The following C5 variants were observed in gnomAD, a reference collection of about 807,000 sequenced individuals.
C5 encodes the protein complement C5.
C5 carries 140 observed loss-of-function variants against 218.8 expected under a neutral mutation model. The observed-to-expected ratio is 0.64, with a 90% CI of 0.56 to 0.74. C5 has a LOEUF of 0.74. C5 is among the 30% of genes least tolerant of loss of function. C5 has a pLI of 0.00. For synonymous variants in C5, 614 were observed against 682.3 expected, an observed-to-expected ratio of 0.90 and a Z score of 1.56; for missense variants, 1,700 against 1,969.6, an observed-to-expected ratio of 0.86 and a Z score of 2.59.
At chr9:121,055,336 G>A in the C5 span, among the ~76,000 whole-genome samples, 8 of 151,910 alleles carry the variant, frequency 5.3e-5, no homozygotes, top group East Asian at 1.9e-4. Context: ...GCAAGTCCTT[G>A]GGCAAGGTCT....
rs1373721370 is a variant in C5 at position 121,045,464 on chromosome 9, CA to C, written c.258+726del. 7.2e-5 allele frequency among the ~76,000 whole-genome samples: 11 copies of C among 152,104 alleles called. No homozygotes were observed. In the East Asian group the frequency reaches 2.1e-3, roughly 29 times the overall value. ...AAATAAATTCAAAATGTTACAAAAT[CA>C]ATATAATTCGAATTTTAAGCTCTTT... is the stretch of plus-strand genomic sequence containing the variant. On this transcript the variant is annotated intron_variant, in intron 2 of 40. Transcript: ENST00000223642.
chr9:121,034,788 A>G lies in C5; in HGVS notation c.584+15T>C, dbSNP rs762638879. On this transcript the variant is annotated intron_variant, in intron 5 of 40. Coordinates refer to ENST00000223642, the MANE Select transcript of C5 (RefSeq NM_001735.3). ...AGTTCCGTATGTGGTTTTATTAACA[A>G]CTATTTTTACATACCTAGGATTAGA... 5 of 1,413,358 alleles carry G rather than the reference A, an allele frequency of 3.5e-6. No homozygotes were observed. In the South Asian group the frequency reaches 5.8e-5, roughly 16 times the overall value. 87.6% of individuals were successfully genotyped at this position (1,413,358 alleles called of 1,614,324 possible). A position where few individuals can be genotyped will look rare whatever the true frequency, so the allele number is the denominator to read the frequency against.
chr9:120,992,738 A>G (rs565111121), intron 22 of C5, among the ~76,000 whole-genome samples: 1 of 152,374 alleles, frequency 6.6e-6, no homozygotes, highest in South Asian at 2.1e-4. Context: ...AGATTAAAAC[A>G]TTTTAAATTC....
rs1038198234 is a variant in C5, at chr9:120,989,680, G to A, written c.3042C>T (p.Ser1014=). The A allele has an allele frequency of 3.7e-6, 6 of 1,613,188 alleles. No individual in the cohort carries two copies. Among genetic ancestry groups the A allele is most frequent in the Non-Finnish European group, 3.4e-6 (4 of 1,179,500 alleles). The change falls in exon 24 of 41, where the codon AGC becomes AGT. Residue 1014 remains serine, a synonymous_variant. Transcript: ENST00000223642. ...GAAAAACATAGAATACTGGGACAAC[G>A]CTCATCAGCTCCGCCTCTGCACTCC... ...PKGSAEAELM[S]VVPVFYVFHY...
chr9:120,982,018 G>A (rs749076337), intron 26 of C5, 79 bp from the exon 27 acceptor site: 59 of 955,138 alleles, frequency 6.2e-5, no homozygotes, highest in Admixed American at 1.7e-4. Flanking sequence ...TCTGTTTTTT[G>A]TTTGTTTGTT....
intron 14 of C5, among the ~76,000 whole-genome samples, chr9:121,017,030 T>C (rs1371198580): frequency 6.6e-6 from 1 of 152,222 alleles, no homozygotes; most frequent in African/African-American, 2.4e-5. Context: ...ATGTTACCTA[T>C]ACAGGTCTTT....
chr9:121,015,207 T>C lies in C5; in HGVS notation c.2051A>G (p.Glu684Gly), dbSNP rs2131756326. 6.2e-7 allele frequency: 1 copy of C among 1,603,466 alleles called. No individual in the cohort carries two copies. The highest frequency in any genetic ancestry group is 8.5e-7 in the Non-Finnish European group (1 of 1,171,476). ...RPRRTLQKKIEEIAAKYKHSV... is the reference protein window; with the variant it reads ...RPRRTLQKKIGEIAAKYKHSV... ...CATGAATCTTACAGTACCTATTTCT[T>C]CTATCTTCTTTTGCAGCGTTCTTCT... Residue 684 changes from glutamate (E) to glycine (G), a missense_variant, in exon 16 of 41, where the codon GAA becomes GGA. Glu to Gly is a moderately conservative substitution (Grantham distance 98, BLOSUM62 -2). Transcript: ENST00000223642.
At chr9:120,982,097 C>T (rs1039799476) in intron 26 of C5, among the ~76,000 whole-genome samples, 158 bp from the exon 27 acceptor site, 4 of 152,172 alleles carry the variant, frequency 2.6e-5, no homozygotes, top group Non-Finnish European at 2.9e-5. Context: ...CTGCAACCTC[C>T]GCCTCCCGGG....
At chr9:120,999,674 T>A in intron 20 of C5, 1 of 225,064 alleles carries the variant, frequency 4.4e-6, no homozygotes, top group Non-Finnish European at 9.0e-6. Context: ...GAATCCAGAG[T>A]CTTTATAATA....
At chr9:121,021,039 C>T (rs568551919) in intron 11 of C5, among the ~76,000 whole-genome samples, 60 of 152,270 alleles carry the variant, frequency 3.9e-4, no homozygotes, top group African/African-American at 1.4e-3. Context: ...TGTTATTGCT[C>T]ATATTTTATT....
chr9:120,991,797 A>G (rs1194500043), intron 22 of C5, among the ~76,000 whole-genome samples: 1 of 152,202 alleles, frequency 6.6e-6, no homozygotes, highest in Non-Finnish European at 1.5e-5. Context: ...TCACTGGTTT[A>G]TGTCCAAAAA....
At chr9:121,067,537 C>T in the C5 span, among the ~76,000 whole-genome samples, 32 of 149,158 alleles carry the variant, frequency 2.1e-4, no homozygotes, top group African/African-American at 7.2e-4. Flanking sequence ...GCATTCGCAG[C>T]TTGGTTGGTG....
rs779879112 is a variant in C5, at chr9:120,981,917, C to T, written c.3413G>A (p.Arg1138Gln). The change falls in exon 27 of 41, where the codon CGA becomes CAA. Residue 1138 changes from arginine to glutamine, a missense_variant. By Grantham distance (43) the Arg-to-Gln change is conservative. Coordinates refer to ENST00000223642, the MANE Select transcript of C5 (RefSeq NM_001735.3). ...GGCTGTAAGATATAAGCTGTTCTCT[C>T]GGGCTTCAACAGGCAAGGTACCCTA... The part of the protein sequence containing the change: ...KLQGTLPVEA[R>Q]ENSLYLTAFT... 3.8e-5 allele frequency: 62 copies of T among 1,613,720 alleles called. No individual in the cohort carries two copies. In the Admixed American group the frequency reaches 9.2e-4, roughly 24 times the overall value.
intron 39 of C5, 47 bp downstream of exon 39, chr9:120,957,238 C>T (rs764751409): frequency 7.9e-7 from 1 of 1,260,456 alleles, no homozygotes; most frequent in Non-Finnish European, 1.2e-6. Context: ...ATAGTCAGTA[C>T]TAAATAGTTG....
chr9:120,976,849 C>T lies in C5; in HGVS notation c.3715G>A (p.Val1239Ile). Residue 1239 changes from valine (V) to isoleucine (I), a missense_variant, in exon 29 of 41, where the codon GTA (valine) becomes ATA (isoleucine). Coordinates refer to ENST00000223642, the MANE Select transcript of C5 (RefSeq NM_001735.3). ...KDNLQHKDSS[V>I]PNTGTARMVE... is the part of the protein sequence containing the mutation. Reference sequence around the variant, plus strand: ...ATACGTGCCGTACCAGTGTTAGGTACAGAGCTGTCTTTATGCTGAAGATTG... The same window carrying T: ...ATACGTGCCGTACCAGTGTTAGGTATAGAGCTGTCTTTATGCTGAAGATTG... 6.2e-7 allele frequency: 1 copy of T among 1,614,082 alleles called. No individual in the cohort carries two copies. Among genetic ancestry groups the T allele is most frequent in the Non-Finnish European group, 8.5e-7 (1 of 1,179,990 alleles).
intron 38 of C5, 59 bp from the exon 39 acceptor site, chr9:120,957,427 C>T: frequency 8.0e-7 from 1 of 1,248,496 alleles, no homozygotes; most frequent in African/African-American, 1.5e-5. Flanking sequence ...ATGCTATGTC[C>T]AGTAGAAGCC....
chr9:121,059,320 G>A, the C5 span, among the ~76,000 whole-genome samples: 1 of 152,116 alleles, frequency 6.6e-6, no homozygotes, highest in African/African-American at 2.4e-5. The surrounding 1 kb of genome is among the most constrained non-coding windows in gnomAD (Gnocchi z 4.1). Flanking sequence ...TTCCTTAGAG[G>A]AATCAAAAGG....
At chr9:121,061,313 T>C in the C5 span, among the ~76,000 whole-genome samples, 1 of 152,256 alleles carries the variant, frequency 6.6e-6, no homozygotes, top group Non-Finnish European at 1.5e-5. Flanking sequence ...GGAAAAATGC[T>C]GTTAAGGTAT....
intron 36 of C5, 72 bp downstream of exon 36, chr9:120,962,599 A>G: frequency 8.7e-7 from 1 of 1,154,436 alleles, no homozygotes; most frequent in East Asian, 2.3e-5. Flanking sequence ...ACAGGACTCT[A>G]GTGGATTTCT....
Sources: allele counts gnomAD v4.1 joint callset (sites outside exome capture counted in the v4.1 genomes callset), GRCh38; gene constraint gnomAD v4.1.1; non-coding constraint Gnocchi (gnomAD v3.1); transcripts MANE v1.5; gene names NCBI Gene and HGNC (gene_info 2026-07-23, HGNC 2026-07-21).